Variants in HCN3 observed in about 807,000 individuals in gnomAD.
HCN3 encodes potassium/sodium hyperpolarization-activated cyclic nucleotide-gated channel 3.
A neutral mutation model predicts 56.8 loss-of-function variants in HCN3; 36 were observed. That is an observed-to-expected ratio of 0.63 (90% CI 0.49 to 0.84). HCN3 has a LOEUF of 0.84. Among genes scored for constraint, HCN3 ranks in the 40% least tolerant of loss-of-function variants. The pLI is 0.00. For missense variants in HCN3, 930 were observed against 1,079.3 expected (o/e 0.86, Z 1.94); for synonymous variants, 425 against 439.7 (o/e 0.97, Z 0.42).
At position 155,282,441 on chromosome 1, in the gene HCN3, G is replaced by A; in HGVS notation, c.309G>A (p.Leu103=). The A allele has an allele frequency of 1.2e-6, 2 of 1,614,246 alleles. No individual in the cohort carries two copies. Among genetic ancestry groups the A allele is most frequent in the Non-Finnish European group, 1.7e-6 (2 of 1,180,048 alleles). Residue 103 remains leucine, a synonymous_variant, in exon 2 of 8, where the codon CTG becomes CTA. Coordinates refer to ENST00000368358, the MANE Select transcript of HCN3 (RefSeq NM_020897.3). This position sits in a 1 kb window ranked among gnomAD's most constrained non-coding sequence, Gnocchi z 4.7. ...RFYWDLIMLL[L]MVGNLIVLPV... The stretch of plus-strand genomic sequence containing the variant: ...ACTGGGACCTGATCATGCTGCTGCT[G>A]ATGGTGGGGAACCTCATCGTCCTGC...
intron 2 of HCN3, 59 bp from the exon 3 acceptor site, chr1:155,283,915 G>A: frequency 6.4e-7 from 1 of 1,565,418 alleles, no homozygotes; most frequent in Non-Finnish European, 8.7e-7. Flanking sequence ...GGCTGGGAAT[G>A]GAGGAGGACA....
chr1:155,286,012 G>A, intron 6 of HCN3, 48 bp downstream of exon 6: 2 of 1,533,662 alleles, frequency 1.3e-6, no homozygotes, highest in South Asian at 1.3e-5. Context: ...AGACAGTGGA[G>A]AGGGCAACTG....
chr1:155,285,528 T>G lies in HCN3; in HGVS notation c.1237-196T>G, dbSNP rs769652440. On this transcript the variant is annotated intron_variant, in intron 5 of 7. Coordinates refer to ENST00000368358, the MANE Select transcript of HCN3 (RefSeq NM_020897.3). This position sits in a 1 kb window ranked among gnomAD's most constrained non-coding sequence, Gnocchi z 4.5. ...GGAGGGACTATAGGGATCTCTGTTT[T>G]TGGGGGATGGTCCTGCAAGGGCTCA... Among the ~76,000 whole-genome samples the G allele has an allele frequency of 2.6e-5, 4 of 152,158 alleles. No individual in the cohort carries two copies. Among genetic ancestry groups the G allele is most frequent in the Non-Finnish European group, 5.9e-5 (4 of 68,014 alleles).
rs893819521 is a variant in HCN3 at position 155,285,746 on chromosome 1, G to C, written c.1259G>C (p.Arg420Pro). Reference sequence around the variant, plus strand: ...CAGGAGATCATTAACTTCACCTGTCGGGGCCTGGTGGCCCACATGCCGCTG... The same window carrying C: ...CAGGAGATCATTAACTTCACCTGTCCGGGCCTGGTGGCCCACATGCCGCTG... Reference protein sequence around the residue: ...LREEIINFTCRGLVAHMPLFA... With the variant: ...LREEIINFTCPGLVAHMPLFA... The change falls in exon 6 of 8, where the codon CGG becomes CCG. Residue 420 changes from arginine (R) to proline (P), a missense_variant. Transcript: ENST00000368358. This position sits in a 1 kb window ranked among gnomAD's most constrained non-coding sequence, Gnocchi z 4.5. 1.9e-6 allele frequency: 3 copies of C among 1,614,150 alleles called. No homozygotes were observed. The highest frequency in any genetic ancestry group is 2.2e-5 in the East Asian group (1 of 44,882).
In HCN3 at chr1:155,285,992, G is replaced by C; in HGVS notation, c.1477+28G>C. 2.6e-6 allele frequency: 4 copies of C among 1,553,288 alleles called. No homozygotes were observed. Among genetic ancestry groups the C allele is most frequent in the Non-Finnish European group, 3.5e-6 (4 of 1,145,966 alleles). On this transcript the variant is annotated intron_variant, in intron 6 of 7. Transcript: ENST00000368358. This position sits in a 1 kb window ranked among gnomAD's most constrained non-coding sequence, Gnocchi z 4.5. ...CAGCAGGCCTCAGGGAGGGTGGCAGGGTCACGAGCAGACAGTGGAGAGGGC... is the reference window on the plus strand; with the variant it reads ...CAGCAGGCCTCAGGGAGGGTGGCAGCGTCACGAGCAGACAGTGGAGAGGGC...
In HCN3 at chr1:155,285,881, T is replaced by G; in HGVS notation, c.1394T>G (p.Met465Arg). The stretch of plus-strand genomic sequence containing the variant: ...CGTGAGGGCTCCGTGGGGAGGAAGA[T>G]GTACTTCATCCAGCATGGGCTGCTC... ...VVREGSVGRKMYFIQHGLLSV... is the reference protein window; with the variant it reads ...VVREGSVGRKRYFIQHGLLSV... The change falls in exon 6 of 8, where the codon ATG becomes AGG. Residue 465 changes from methionine to arginine, a missense_variant. Physicochemically the swap from Met to Arg is moderately conservative, Grantham distance 91. Coordinates refer to ENST00000368358, the MANE Select transcript of HCN3 (RefSeq NM_020897.3). This position sits in a 1 kb window ranked among gnomAD's most constrained non-coding sequence, Gnocchi z 4.5. 1 of 1,614,192 alleles carries G rather than the reference T, an allele frequency of 6.2e-7. No individual in the cohort carries two copies. The highest frequency in any genetic ancestry group is 8.5e-7 in the Non-Finnish European group (1 of 1,180,008).
In HCN3 at chr1:155,285,306, C is replaced by A. The variant is rs370145616; in HGVS notation, c.1231C>A (p.Arg411Ser). 2 of 1,613,746 alleles carry A rather than the reference C, an allele frequency of 1.2e-6. No individual in the cohort carries two copies. The highest frequency in any genetic ancestry group is 4.5e-5 in the East Asian group (2 of 44,890). Residue 411 changes from arginine to serine, a missense_variant, in exon 5 of 8, where the codon CGC (arginine) becomes AGC (serine). Physicochemically the swap from Arg to Ser is moderately radical, Grantham distance 110. Coordinates refer to ENST00000368358, the MANE Select transcript of HCN3 (RefSeq NM_020897.3). The surrounding 1 kb of genome is among the most constrained non-coding windows in gnomAD (Gnocchi z 4.5). ...CCTGGGCGAGCTGAGCGAGCCGCTT[C>A]GCGAGGTGGGGCTGGGTTGGGCCTG... ...SILGELSEPL[R>S]EEIINFTCRG...
chr1:155,289,322 A>G lies in HCN3; in HGVS notation c.*859A>G, dbSNP rs1342578437. ...TTTATTTAATTGTATTTATTCATTT[A>G]CTAACTTTATGTGTTACCAATTAAT... On this transcript the variant is annotated 3_prime_UTR_variant, in exon 8 of 8. Transcript: ENST00000368358. 6.6e-6 allele frequency: 1 copy of G among 152,136 alleles called. No homozygotes were observed. Among genetic ancestry groups the G allele is most frequent in the East Asian group, 1.9e-4 (1 of 5,188 alleles). The allele number at this position is 152,136 out of a possible 1,614,324, so 9.4% of individuals were successfully genotyped here. A position where few individuals can be genotyped will look rare whatever the true frequency, so the allele number is the denominator to read the frequency against.
At chr1:155,287,368 T>C (rs2148186856) in intron 7 of HCN3, 31 bp downstream of exon 7, 1 of 1,611,302 alleles carries the variant, frequency 6.2e-7, no homozygotes, top group Non-Finnish European at 8.5e-7. Context: ...CTGCTCTGGG[T>C]CCAGACTGTG....
At chr1:155,281,616 G>A (rs915498947) in intron 1 of HCN3, among the ~76,000 whole-genome samples, 2 of 150,782 alleles carry the variant, frequency 1.3e-5, no homozygotes, top group Middle Eastern at 3.5e-3. Context: ...TGATCCGCCA[G>A]TCTCAGCCTC....
Position 155,282,485 on chromosome 1 carries a change from T to G in HCN3, c.353T>G (p.Phe118Cys). The change falls in exon 2 of 8, where the codon TTC becomes TGC. Residue 118 changes from phenylalanine to cysteine, a missense_variant. Physicochemically the swap from Phe to Cys is radical, Grantham distance 205. Coordinates refer to ENST00000368358, the MANE Select transcript of HCN3 (RefSeq NM_020897.3). This position sits in a 1 kb window ranked among gnomAD's most constrained non-coding sequence, Gnocchi z 4.7. ...LIVLPVGITFFKEENSPPWIV... is the reference protein window; with the variant it reads ...LIVLPVGITFCKEENSPPWIV... Reference sequence around the variant, plus strand: ...GTCCTGCCTGTGGGCATCACCTTCTTCAAGGAGGAGAACTCCCCGCCTTGG... The same window carrying G: ...GTCCTGCCTGTGGGCATCACCTTCTGCAAGGAGGAGAACTCCCCGCCTTGG... 6.2e-7 allele frequency: 1 copy of G among 1,614,228 alleles called. No homozygotes were observed. Among genetic ancestry groups the G allele is most frequent in the Non-Finnish European group, 8.5e-7 (1 of 1,180,034 alleles).
At position 155,285,599 on chromosome 1, in the gene HCN3, C is replaced by T; in HGVS notation, c.1237-125C>T. On this transcript the variant is annotated intron_variant, in intron 5 of 7. Coordinates refer to ENST00000368358, the MANE Select transcript of HCN3 (RefSeq NM_020897.3). This position sits in a 1 kb window ranked among gnomAD's most constrained non-coding sequence, Gnocchi z 4.5. ...GAGCTTAGGGATGGTCCCAGGCCCACTGATGCCTCCCCATCCTTTGGCAGA... is the reference window on the plus strand; with the variant it reads ...GAGCTTAGGGATGGTCCCAGGCCCATTGATGCCTCCCCATCCTTTGGCAGA... 1 of 1,347,116 alleles carries T rather than the reference C, an allele frequency of 7.4e-7. No homozygotes were observed. The highest frequency in any genetic ancestry group is 1.4e-5 in the South Asian group (1 of 71,324). The allele number at this position is 1,347,116 out of a possible 1,614,324, so 83.4% of individuals were successfully genotyped here.
Position 155,288,120 on chromosome 1 carries a change from G to C in HCN3, c.1982G>C (p.Arg661Pro). The C allele has an allele frequency of 6.2e-7, 1 of 1,601,438 alleles. No individual in the cohort carries two copies. Among genetic ancestry groups the C allele is most frequent in the South Asian group, 1.1e-5 (1 of 90,038 alleles). ...CCAGCTTCCCCGCTGGTGCCCGTCC[G>C]AGCTGGCCCATGGGCATCCACCTCC... is the stretch of plus-strand genomic sequence containing the variant. ...GSPASPLVPVRAGPWASTSRL... is the reference protein window; with the variant it reads ...GSPASPLVPVPAGPWASTSRL... Residue 661 changes from arginine (R) to proline (P), a missense_variant, in exon 8 of 8, where the codon CGA becomes CCA. Transcript: ENST00000368358. The surrounding 1 kb of genome is among the most constrained non-coding windows in gnomAD (Gnocchi z 6.5).
rs1195336264 is a variant in HCN3, at chr1:155,282,424, CT to C, written c.293del (p.Leu98ArgfsTer6). On this transcript the variant is annotated frameshift_variant, in exon 2 of 8. Coordinates refer to ENST00000368358, the MANE Select transcript of HCN3 (RefSeq NM_020897.3). LOFTEE classifies it high-confidence loss of function. The surrounding 1 kb of genome is among the most constrained non-coding windows in gnomAD (Gnocchi z 4.7). ...PYSDFRFYWD[L>X]IMLLLMVGNL... is the part of the protein sequence containing the mutation. ...CTCCCACCTTAGGTTTTACTGGGAC[CT>C]GATCATGCTGCTGCTGATGGTGGGG... The C allele has an allele frequency of 6.2e-7, 1 of 1,614,214 alleles. No homozygotes were observed.
Position 155,277,488 on chromosome 1 carries a change from T to C in HCN3, c.-103T>C, listed in dbSNP as rs1673851248. 5.8e-6 allele frequency: 8 copies of C among 1,380,418 alleles called. No homozygotes were observed. The highest frequency in any genetic ancestry group is 7.6e-6 in the Non-Finnish European group (8 of 1,046,510). The allele number at this position is 1,380,418 out of a possible 1,614,324, so 85.5% of individuals were successfully genotyped here. A position where few individuals can be genotyped will look rare whatever the true frequency, so the allele number is the denominator to read the frequency against. ...GATTCCGAGCCTACGACGCCTCCGC[T>C]AGAGCCCGCGGGGCTGCGCCGACTC... On this transcript the variant is annotated 5_prime_UTR_variant, in exon 1 of 8. Coordinates refer to ENST00000368358, the MANE Select transcript of HCN3 (RefSeq NM_020897.3).
chr1:155,278,910 C>G (rs1470796402), intron 1 of HCN3, among the ~76,000 whole-genome samples: 2 of 152,148 alleles, frequency 1.3e-5, no homozygotes, highest in Non-Finnish European at 1.5e-5. Context: ...TTGTGCTTCT[C>G]CATTCTCTAT....
Position 155,288,178 on chromosome 1 carries a change from C to A in HCN3, c.2040C>A (p.His680Gln). The A allele has an allele frequency of 1.3e-6, 2 of 1,577,702 alleles. No homozygotes were observed. Among genetic ancestry groups the A allele is most frequent in the Non-Finnish European group, 8.6e-7 (1 of 1,166,928 alleles). The change falls in exon 8 of 8, where the codon CAC becomes CAA. Residue 680 changes from histidine (H) to glutamine (Q), a missense_variant. Physicochemically the swap from His to Gln is conservative, Grantham distance 24 (BLOSUM62 0). Transcript: ENST00000368358. This position sits in a 1 kb window ranked among gnomAD's most constrained non-coding sequence, Gnocchi z 6.5. ...CCGCCCCACCTGCCCGAACCCTGCA[C>A]GCCAGCCTATCCCGGGCAGGGCGCT... is the stretch of plus-strand genomic sequence containing the variant. Reference protein sequence around the residue: ...RLPAPPARTLHASLSRAGRSQ... With the variant: ...RLPAPPARTLQASLSRAGRSQ...
intron 1 of HCN3, among the ~76,000 whole-genome samples, chr1:155,280,722 G>A (rs970565096): frequency 3.5e-5 from 5 of 144,374 alleles, no homozygotes; most frequent in Non-Finnish European, 7.5e-5. Flanking sequence ...ACAGGCGTGA[G>A]CCACCACGCC....
At position 155,288,597 on chromosome 1, in the gene HCN3, ATACTGC is replaced by A; in HGVS notation, c.*135_*140del. 1 of 1,139,566 alleles carries A rather than the reference ATACTGC, an allele frequency of 8.8e-7. No individual in the cohort carries two copies. The highest frequency in any genetic ancestry group is 1.2e-6 in the Non-Finnish European group (1 of 816,572). 70.6% of individuals were successfully genotyped at this position (1,139,566 alleles called of 1,614,324 possible). On this transcript the variant is annotated 3_prime_UTR_variant, in exon 8 of 8. Transcript: ENST00000368358. The surrounding 1 kb of genome is among the most constrained non-coding windows in gnomAD (Gnocchi z 6.5). ...TGTCGACCCTGTGCGGACATTCCGC[ATACTGC>A]CATGAAGACGGTCTCTGTGTCCTCA... is the stretch of plus-strand genomic sequence containing the variant.
Sources: gnomAD v4.1 joint callset for allele counts (sites outside exome capture counted in the v4.1 genomes callset) on GRCh38, gnomAD v4.1.1 for gene constraint, Gnocchi (gnomAD v3.1) non-coding constraint, MANE v1.5 for transcripts, NCBI Gene and HGNC (gene_info 2026-07-23, HGNC 2026-07-21) for gene names.